The following STRADA variants were observed in gnomAD, a reference collection of about 807,000 sequenced individuals.
STRADA encodes STE20-related kinase adapter protein alpha.
In STRADA, 26 loss-of-function variants were observed where a neutral mutation model predicts 55.0. The observed-to-expected ratio is 0.47, with a 90% confidence interval of 0.35 to 0.66. The LOEUF (loss-of-function observed/expected upper bound fraction) is 0.66, where lower values mean the gene tolerates loss of function less well. STRADA is among the 30% of genes least tolerant of loss of function. STRADA has a pLI of 0.01. For synonymous variants in STRADA, 197 were observed against 210.9 expected, an observed-to-expected ratio of 0.93 and a Z score of 0.57; for missense variants, 443 against 549.7, an observed-to-expected ratio of 0.81 and a Z score of 1.94.
chr17:63,721,487 G>A (rs2037319804), intron 4 of STRADA, among the ~76,000 whole-genome samples: 1 of 151,502 alleles, frequency 6.6e-6, no homozygotes, highest in African/African-American at 2.4e-5. Flanking sequence ...GGGAGGCTGA[G>A]TAGGGTAGAT....
In STRADA at chr17:63,710,876, A is replaced by C. The variant is rs768469343; in HGVS notation, c.349-40T>G. On this transcript the variant is annotated intron_variant, in intron 6 of 12. Coordinates refer to ENST00000336174, the MANE Select transcript of STRADA (RefSeq NM_001003787.4). ...GAAGCTGAAGTCAGAACCAAATGGCACTGAAGGATGCCGCTCAACACAAAG... is the reference window on the plus strand; with the variant it reads ...GAAGCTGAAGTCAGAACCAAATGGCCCTGAAGGATGCCGCTCAACACAAAG... 1.2e-4 allele frequency: 182 copies of C among 1,575,014 alleles called. No homozygotes were observed. In the African/African-American group the frequency reaches 2.3e-3, roughly 20 times the overall value.
At chr17:63,736,899 A>G in intron 1 of STRADA, among the ~76,000 whole-genome samples, 1 of 148,392 alleles carries the variant, frequency 6.7e-6, no homozygotes, top group East Asian at 2.0e-4. Flanking sequence ...AGAAATTAAA[A>G]CTATATTTTA....
intron 3 of STRADA, 50 bp from the exon 4 acceptor site, chr17:63,723,376 C>T (rs370122740): frequency 1.2e-6 from 2 of 1,605,166 alleles, no homozygotes; most frequent in South Asian, 1.1e-5. Context: ...GCAGAAGACA[C>T]ACCCACATTC....
chr17:63,733,699 T>G (rs1459711681), intron 1 of STRADA, among the ~76,000 whole-genome samples: 1 of 152,238 alleles, frequency 6.6e-6, no homozygotes, highest in Non-Finnish European at 1.5e-5. Context: ...TGGCTTATTA[T>G]GCCTAAACTA....
intron 1 of STRADA, among the ~76,000 whole-genome samples, chr17:63,740,143 T>TACACACACACAC (rs763523792): frequency 2.1e-5 from 1 of 46,606 alleles, no homozygotes; most frequent in Non-Finnish European, 3.9e-5. Flanking sequence ...TACATATATA[T>TACACACACACAC]ATATACACAC....
At chr17:63,725,666 T>TAAACTATAGGATCCTAAAAGAGTA (rs1227796368) in intron 3 of STRADA, 3 of 151,552 alleles carry the variant, frequency 2.0e-5, no homozygotes, top group East Asian at 2.0e-4. Context: ...ATCTGTTTCT[T>TAAACTATAGGATCCTAAAAGAGTA]TCTTTCCTTT....
rs1326536015 is a variant in STRADA, at chr17:63,707,490, C to T, written c.582-72G>A. Reference sequence around the variant, plus strand: ...GCTACAAATTTTTGGTCTTCACACACTCCACCTGGCCAGCTCTCTCCTGTG... The same window carrying T: ...GCTACAAATTTTTGGTCTTCACACATTCCACCTGGCCAGCTCTCTCCTGTG... On this transcript the variant is annotated intron_variant, in intron 8 of 12. Coordinates refer to ENST00000336174, the MANE Select transcript of STRADA (RefSeq NM_001003787.4). 1.0e-5 allele frequency: 15 copies of T among 1,462,608 alleles called. No individual in the cohort carries two copies. In the African/African-American group the frequency reaches 1.3e-4, roughly 12 times the overall value. The allele number at this position is 1,462,608 out of a possible 1,614,324, so 90.6% of individuals were successfully genotyped here. A position where few individuals can be genotyped will look rare whatever the true frequency, so the allele number is the denominator to read the frequency against.
In STRADA at chr17:63,738,340, C is replaced by CA. The variant is rs561180973; in HGVS notation, c.-45+3400dup. Among the ~76,000 whole-genome samples, 376 of 76,322 alleles carry CA rather than the reference C, an allele frequency of 4.9e-3. 1 individual carries two copies. The highest frequency in any genetic ancestry group is 9.5e-3 in the African/African-American group (219 of 22,968). 50.1% of individuals were successfully genotyped at this position (76,322 alleles called of 152,430 possible). On this transcript the variant is annotated intron_variant, in intron 1 of 12. Coordinates refer to ENST00000336174, the MANE Select transcript of STRADA (RefSeq NM_001003787.4). ...TGGGCGACAGAGCGAGACTCCGACT[C>CA]AAAAAAAAAAAAAAAAAGAGAAAAG...
chr17:63,707,772 A>G (rs1318048910), intron 8 of STRADA, among the ~76,000 whole-genome samples: 1 of 148,492 alleles, frequency 6.7e-6, no homozygotes, highest in Non-Finnish European at 1.5e-5. Flanking sequence ...GCTCTGTCGC[A>G]CAGACTGGAG....
intron 6 of STRADA, 149 bp downstream of exon 6, chr17:63,713,257 C>A: frequency 6.8e-6 from 7 of 1,029,186 alleles, no homozygotes; most frequent in Non-Finnish European, 9.8e-6. Context: ...TCAGCCCAAT[C>A]CTTAGTGCCA....
chr17:63,738,537 T>C (rs1482051798), intron 1 of STRADA, among the ~76,000 whole-genome samples: 2 of 151,946 alleles, frequency 1.3e-5, no homozygotes, highest in African/African-American at 4.8e-5. Context: ...CAGAAGTCCA[T>C]CATTAAAGGA....
intron 1 of STRADA, among the ~76,000 whole-genome samples, chr17:63,739,918 C>A (rs1040582361): frequency 1.4e-4 from 20 of 145,876 alleles, no homozygotes; most frequent in African/African-American, 4.9e-4. Context: ...GAATCGGTGG[C>A]AGAGCGAGGA....
intron 1 of STRADA, among the ~76,000 whole-genome samples, chr17:63,735,390 G>T (rs373393907): frequency 6.6e-6 from 1 of 152,130 alleles, no homozygotes; most frequent in Non-Finnish European, 1.5e-5. Flanking sequence ...TTGGCTTGCC[G>T]AATCTCAACG....
Position 63,740,107 on chromosome 17 carries a change from TACATAC to T in STRADA, c.-45+1628_-45+1633del, listed in dbSNP as rs1418742606. 3.5e-3 allele frequency among the ~76,000 whole-genome samples: 171 copies of T among 49,380 alleles called. 3 individuals carry two copies. Among genetic ancestry groups the T allele is most frequent in the Middle Eastern group, 0.011 (1 of 90 alleles). The allele number at this position is 49,380 out of a possible 152,430, so 32.4% of individuals were successfully genotyped here. On this transcript the variant is annotated intron_variant, in intron 1 of 12. Transcript: ENST00000336174. ...AACACTATATATATATATATATATA[TACATAC>T]ATACATATATATATACACATACATA...
chr17:63,724,435 G>C (rs1168694729), intron 3 of STRADA, among the ~76,000 whole-genome samples: 1 of 145,784 alleles, frequency 6.9e-6, no homozygotes, highest in African/African-American at 2.5e-5. Context: ...GAGCCACTGC[G>C]CCTGGCCTAC....
intron 4 of STRADA, among the ~76,000 whole-genome samples, chr17:63,716,815 T>C (rs1367226056): frequency 6.6e-6 from 1 of 152,254 alleles, no homozygotes; most frequent in East Asian, 1.9e-4. Flanking sequence ...GGGAACCTTT[T>C]GTGCCTAACA....
intron 4 of STRADA, among the ~76,000 whole-genome samples, chr17:63,719,642 C>T (rs1193745146): frequency 6.6e-6 from 1 of 152,120 alleles, no homozygotes; most frequent in Non-Finnish European, 1.5e-5. Flanking sequence ...TGCTACCATG[C>T]CCGGCTAATT....
intron 1 of STRADA, among the ~76,000 whole-genome samples, chr17:63,732,486 TAA>T (rs78463501): frequency 9.3e-5 from 13 of 139,124 alleles, no homozygotes; most frequent in Admixed American, 1.4e-4. Context: ...CCTGGCTAGT[TAA>T]AAAAAAAAAA....
intron 1 of STRADA, among the ~76,000 whole-genome samples, chr17:63,740,185 A>AC (rs2038839586): frequency 9.7e-6 from 1 of 103,342 alleles, no homozygotes; most frequent in Non-Finnish European, 2.2e-5. Flanking sequence ...CACACACACA[A>AC]CAAAGCAATA....
Sources: allele counts gnomAD v4.1 joint callset (sites outside exome capture counted in the v4.1 genomes callset), GRCh38; gene constraint gnomAD v4.1.1; transcripts MANE v1.5; gene names NCBI Gene and HGNC (gene_info 2026-07-23, HGNC 2026-07-21).